NUMB: variants seen among roughly 807,000 people sequenced by gnomAD.
The protein encoded by NUMB is NUMB endocytic adaptor protein.
NUMB carries 29 observed loss-of-function variants against 59.7 expected under a neutral mutation model. The observed-to-expected ratio is 0.49, with a 90% CI of 0.36 to 0.66. The LOEUF is 0.66. Among genes scored for constraint, NUMB ranks in the 30% least tolerant of loss-of-function variants. NUMB has a pLI of 0.00. For missense variants in NUMB, 723 were observed against 822.0 expected (o/e 0.88, Z 1.47); for synonymous variants, 288 against 288.2 (o/e 1.00, Z 0.01).
At chr14:73,293,260 G>A (rs908306804) in intron 7 of NUMB, among the ~76,000 whole-genome samples, 6 of 151,644 alleles carry the variant, frequency 4.0e-5, no homozygotes, top group South Asian at 2.1e-4. Flanking sequence ...TGCTAACTTC[G>A]TTACACAATG....
intron 4 of NUMB, among the ~76,000 whole-genome samples, chr14:73,345,227 T>C (rs958266791): frequency 2.6e-5 from 4 of 152,224 alleles, no homozygotes; most frequent in African/African-American, 9.6e-5. Context: ...GTCATTATCC[T>C]AGCGAATTAA....
chr14:73,352,512 ATATATATATATATATATGT>A (rs1893428271), intron 4 of NUMB, among the ~76,000 whole-genome samples: 4 of 12,446 alleles, frequency 3.2e-4, no homozygotes, highest in Non-Finnish European at 3.8e-4. Context: ...ATATATATAT[ATATATATATATATATATGT>A]TTTTTTTTTT....
chr14:73,303,274 AC>A (rs1890250339), intron 6 of NUMB, among the ~76,000 whole-genome samples: 1 of 149,182 alleles, frequency 6.7e-6, no homozygotes, highest in Admixed American at 6.6e-5. Flanking sequence ...TGGCACAAAC[AC>A]CTCTTTAAAA....
At chr14:73,422,651 G>A (rs1487526901) in intron 1 of NUMB, among the ~76,000 whole-genome samples, 1 of 152,050 alleles carries the variant, frequency 6.6e-6, no homozygotes, top group Non-Finnish European at 1.5e-5. Flanking sequence ...CCAAGTGGGA[G>A]GAGGCAGATC....
At chr14:73,422,962 G>A (rs932767407) in intron 1 of NUMB, among the ~76,000 whole-genome samples, 1 of 150,694 alleles carries the variant, frequency 6.6e-6, no homozygotes, top group Non-Finnish European at 1.5e-5. Flanking sequence ...TACACAAAGT[G>A]TTTTTGTTTA....
Position 73,438,546 on chromosome 14 carries a change from G to T in NUMB, c.-233+19947C>A, listed in dbSNP as rs1882789673. On this transcript the variant is annotated intron_variant, in intron 1 of 12. Coordinates refer to ENST00000555238, the MANE Select transcript of NUMB (RefSeq NM_001005743.2). The stretch of plus-strand genomic sequence containing the variant: ...CATGGGAGGCCAAGGCACGGGAATC[G>T]CTTGACCCCGGGAGGCAGAGATTAC... 3.3e-5 allele frequency among the ~76,000 whole-genome samples: 5 copies of T among 149,478 alleles called. No homozygotes were observed. The South Asian group carries it at 1.0e-3, about 31-fold the overall frequency.
chr14:73,305,568 A>G (rs1890386131), intron 6 of NUMB, among the ~76,000 whole-genome samples: 1 of 152,226 alleles, frequency 6.6e-6, no homozygotes, highest in Admixed American at 6.5e-5. Context: ...TACGCTAGGT[A>G]AGAGCAAAAG....
At chr14:73,388,793 C>G (rs910453717) in intron 2 of NUMB, among the ~76,000 whole-genome samples, 1 of 151,320 alleles carries the variant, frequency 6.6e-6, no homozygotes, top group Non-Finnish European at 1.5e-5. Flanking sequence ...AGTGAAAGCC[C>G]GTCTCTAATA....
chr14:73,276,522 C>G lies in NUMB; in HGVS notation c.*56G>C. ...GACAAAGTCTGTTTTGCTCCTTTGA[C>G]CGCTACCCCCTGCTCCCTGTCTGGT... On this transcript the variant is annotated 3_prime_UTR_variant, in exon 13 of 13. Transcript: ENST00000555238. 1.4e-6 allele frequency: 2 copies of G among 1,418,612 alleles called. No individual in the cohort carries two copies. Among genetic ancestry groups the G allele is most frequent in the Admixed American group, 3.8e-5 (2 of 53,064 alleles). The allele number at this position is 1,418,612 out of a possible 1,614,324, so 87.9% of individuals were successfully genotyped here.
chr14:73,431,545 G>A (rs1422497955), intron 1 of NUMB, among the ~76,000 whole-genome samples: 6 of 151,466 alleles, frequency 4.0e-5, no homozygotes, highest in African/African-American at 1.4e-4. Flanking sequence ...TCAGGAGTTC[G>A]AGATCAGCCT....
chr14:73,293,356 T>C (rs1240710759), intron 7 of NUMB, among the ~76,000 whole-genome samples: 2 of 151,938 alleles, frequency 1.3e-5, no homozygotes, highest in Non-Finnish European at 2.9e-5. Flanking sequence ...TCAGATACTG[T>C]ATTTTTCAGG....
At chr14:73,441,549 T>A (rs1407396769) in intron 1 of NUMB, among the ~76,000 whole-genome samples, 1 of 151,108 alleles carries the variant, frequency 6.6e-6, no homozygotes, top group Non-Finnish European at 1.5e-5. Flanking sequence ...GAAAAAAAAA[T>A]TCTACTTTAT....
chr14:73,285,262 C>A (rs1346470343), intron 9 of NUMB: 2 of 152,090 alleles, frequency 1.3e-5, no homozygotes, highest in Non-Finnish European at 2.9e-5. Context: ...CCAGTTGAGT[C>A]CCATTCTGAT....
intron 9 of NUMB, chr14:73,286,726 G>A (rs1889031085): frequency 3.9e-6 from 1 of 258,796 alleles, no homozygotes; most frequent in African/African-American, 2.2e-5. Flanking sequence ...GTCCGTGGAT[G>A]CTTTGCAGCC....
At chr14:73,398,372 A>G (rs1326564380) in intron 2 of NUMB, among the ~76,000 whole-genome samples, 5 of 150,494 alleles carry the variant, frequency 3.3e-5, no homozygotes, top group African/African-American at 1.2e-4. Context: ...ACATATTTGT[A>G]TATGAGAGAG....
chr14:73,414,939 C>G (rs1897063042), intron 1 of NUMB, among the ~76,000 whole-genome samples: 1 of 152,122 alleles, frequency 6.6e-6, no homozygotes, highest in Non-Finnish European at 1.5e-5. Flanking sequence ...ACAGGATGGT[C>G]TCGATCTGCT....
Position 73,276,516 on chromosome 14 carries a change from C to T in NUMB, c.*62G>A. 2.2e-6 allele frequency: 3 copies of T among 1,374,312 alleles called. No homozygotes were observed. The highest frequency in any genetic ancestry group is 3.0e-6 in the Non-Finnish European group (3 of 991,280). The allele number at this position is 1,374,312 out of a possible 1,614,324, so 85.1% of individuals were successfully genotyped here. On this transcript the variant is annotated 3_prime_UTR_variant, in exon 13 of 13. Coordinates refer to ENST00000555238, the MANE Select transcript of NUMB (RefSeq NM_001005743.2). The stretch of plus-strand genomic sequence containing the variant: ...TCAGGAGACAAAGTCTGTTTTGCTC[C>T]TTTGACCGCTACCCCCTGCTCCCTG...
chr14:73,375,287 G>A lies in NUMB; in HGVS notation c.-100-8306C>T, dbSNP rs937425919. 2.6e-5 allele frequency among the ~76,000 whole-genome samples: 4 copies of A among 152,116 alleles called. No homozygotes were observed. In the South Asian group the frequency reaches 6.2e-4, roughly 24 times the overall value. Reference sequence around the variant, plus strand: ...ATAACATTTCATCGTCCCTTACTATGTGCCAGCTATTAAGAGACTTATGTT... The same window carrying A: ...ATAACATTTCATCGTCCCTTACTATATGCCAGCTATTAAGAGACTTATGTT... On this transcript the variant is annotated intron_variant, in intron 2 of 12. Transcript: ENST00000555238.
chr14:73,309,665 T>C (rs1051568288), intron 6 of NUMB, among the ~76,000 whole-genome samples: 27 of 151,038 alleles, frequency 1.8e-4, no homozygotes, highest in African/African-American at 6.1e-4. Context: ...ATGGCACATG[T>C]ATAACTATGT....
Sources: allele counts gnomAD v4.1 joint callset (sites outside exome capture counted in the v4.1 genomes callset), GRCh38; gene constraint gnomAD v4.1.1; transcripts MANE v1.5; gene names NCBI Gene and HGNC (gene_info 2026-07-23, HGNC 2026-07-21).